The following TMTC1 variants were observed in gnomAD, a reference collection of about 807,000 sequenced individuals.
TMTC1 encodes the protein protein O-mannosyl-transferase TMTC1.
In TMTC1, 73 loss-of-function variants were observed where a neutral mutation model predicts 104.8. The ratio of observed to expected loss-of-function variants is 0.70; its 90% CI spans 0.58 to 0.85. The LOEUF (loss-of-function observed/expected upper bound fraction) is 0.85, where lower values mean the gene tolerates loss of function less well. Ranked by LOEUF, TMTC1 falls within the 40% of genes least tolerant of loss-of-function variation. The pLI is 0.00. For missense variants in TMTC1, 1,035 were observed against 1,096.1 expected (o/e 0.94, Z 0.79); for synonymous variants, 434 against 428.7 (o/e 1.01, Z -0.15).
At chr12:29,600,639 G>A (rs908460364) in intron 7 of TMTC1, among the ~76,000 whole-genome samples, 4 of 152,240 alleles carry the variant, frequency 2.6e-5, no homozygotes, top group East Asian at 3.9e-4. Flanking sequence ...TCAGTTTCCC[G>A]AAATCCAAGT....
chr12:29,754,042 T>C (rs1431583770), intron 4 of TMTC1, among the ~76,000 whole-genome samples: 1 of 152,050 alleles, frequency 6.6e-6, no homozygotes, highest in Admixed American at 6.6e-5. Context: ...AATTTTTGTA[T>C]TTTTAGTAGA....
chr12:29,573,820 A>T (rs1945747127), intron 8 of TMTC1, among the ~76,000 whole-genome samples: 1 of 152,018 alleles, frequency 6.6e-6, no homozygotes, highest in Non-Finnish European at 1.5e-5. Flanking sequence ...GTCACACTGG[A>T]GACTTCTCAG....
At chr12:29,753,793 G>A (rs756885325) in intron 4 of TMTC1, among the ~76,000 whole-genome samples, 9 of 152,322 alleles carry the variant, frequency 5.9e-5, no homozygotes, top group Middle Eastern at 3.4e-3. Flanking sequence ...TGTGTTGAAC[G>A]GGTGGACAAA....
chr12:29,576,127 T>A (rs1305148294), intron 8 of TMTC1, among the ~76,000 whole-genome samples: 3 of 152,336 alleles, frequency 2.0e-5, no homozygotes, highest in East Asian at 3.9e-4. Flanking sequence ...GTTGTATGGG[T>A]TGCTTACATA....
At chr12:29,768,734 T>C (rs302318) in intron 1 of TMTC1, among the ~76,000 whole-genome samples, 54,834 of 152,002 alleles carry the variant, frequency 0.36, 10,426 homozygotes, top group Non-Finnish European at 0.44. Flanking sequence ...TAACATAAAT[T>C]CCCACAGATC....
chr12:29,550,966 A>G lies in TMTC1; in HGVS notation c.1676+5891T>C, dbSNP rs948582613. ...AAAAAAAAAAAAAAAAAAAAAAAAA[A>G]AAAAAGAGCAGGGAGACAGAGCTAG... On this transcript the variant is annotated intron_variant, in intron 10 of 17. Transcript: ENST00000539277. Among the ~76,000 whole-genome samples the G allele has an allele frequency of 2.0e-3, 256 of 129,270 alleles. 5 individuals are homozygous for G. Among genetic ancestry groups the G allele is most frequent in the Non-Finnish European group, 1.7e-3 (102 of 59,644 alleles). 84.8% of individuals were successfully genotyped at this position (129,270 alleles called of 152,430 possible). A position where few individuals can be genotyped will look rare whatever the true frequency, so the allele number is the denominator to read the frequency against.
rs144014589 is a variant in TMTC1 at position 29,555,312 on chromosome 12, T to A, written c.1676+1545A>T. Reference sequence around the variant, plus strand: ...GTCACCAGGCCCGGTAATTTTTTTTTATTTTTTATTTATTTATTTTTTTAA... The same window carrying A: ...GTCACCAGGCCCGGTAATTTTTTTTAATTTTTTATTTATTTATTTTTTTAA... On this transcript the variant is annotated intron_variant, in intron 10 of 17. Coordinates refer to ENST00000539277, the MANE Select transcript of TMTC1 (RefSeq NM_001193451.2). Among the ~76,000 whole-genome samples, 1,354 of 151,744 alleles carry A rather than the reference T, an allele frequency of 8.9e-3. 18 individuals are homozygous for A. The highest frequency in any genetic ancestry group is 0.031 in the African/African-American group (1,279 of 41,406).
chr12:29,655,453 T>C (rs954147902), intron 5 of TMTC1, among the ~76,000 whole-genome samples: 1 of 152,192 alleles, frequency 6.6e-6, no homozygotes, highest in Non-Finnish European at 1.5e-5. Flanking sequence ...ATCACAACTA[T>C]CATGTTTCTG....
chr12:29,584,112 C>T (rs1169425992), intron 7 of TMTC1, among the ~76,000 whole-genome samples: 1 of 152,204 alleles, frequency 6.6e-6, no homozygotes, highest in Non-Finnish European at 1.5e-5. Flanking sequence ...TTTGGAAAAT[C>T]TACCCACAGG....
intron 9 of TMTC1, chr12:29,569,002 G>A (rs1413820740): frequency 1.1e-5 from 5 of 455,814 alleles, no homozygotes; most frequent in Non-Finnish European, 2.2e-5. Context: ...AGTAATAAAT[G>A]TGAGAGCTGC....
chr12:29,737,099 A>C (rs1942697961), intron 5 of TMTC1, among the ~76,000 whole-genome samples: 1 of 152,258 alleles, frequency 6.6e-6, no homozygotes, highest in Non-Finnish European at 1.5e-5. Flanking sequence ...CCGACATTTC[A>C]CTTTAAGGTG....
At chr12:29,613,086 T>C (rs927839304) in intron 6 of TMTC1, among the ~76,000 whole-genome samples, 1 of 152,196 alleles carries the variant, frequency 6.6e-6, no homozygotes, top group African/African-American at 2.4e-5. Flanking sequence ...TATGATGAAT[T>C]TTTCAGGAAT....
At position 29,746,058 on chromosome 12, in the gene TMTC1, AT is replaced by A. The variant is rs1476019100; in HGVS notation, c.938+5607del. On this transcript the variant is annotated intron_variant, in intron 5 of 17. Transcript: ENST00000539277. ...TTGCAACAACCCTTTAAAGTAAGAT[AT>A]TGGTTCATATCTGCTTCCACGAGGT... is the stretch of plus-strand genomic sequence containing the variant. Among the ~76,000 whole-genome samples the A allele has an allele frequency of 2.6e-5, 4 of 152,290 alleles. No homozygotes were observed. In the East Asian group the frequency reaches 7.7e-4, roughly 29 times the overall value.
intron 5 of TMTC1, among the ~76,000 whole-genome samples, chr12:29,643,945 A>ATT (rs1408517543): frequency 5.6e-4 from 64 of 114,928 alleles, no homozygotes; most frequent in Non-Finnish European, 8.9e-4. Flanking sequence ...ATATAAATTT[A>ATT]AATATATATT....
intron 13 of TMTC1, 133 bp downstream of exon 13, chr12:29,518,339 A>G: frequency 8.0e-6 from 8 of 994,914 alleles, no homozygotes; most frequent in Non-Finnish European, 1.2e-5. Context: ...CTTTGGAGAT[A>G]AAAATTTGTA....
At chr12:29,611,331 C>G (rs546224793) in intron 6 of TMTC1, among the ~76,000 whole-genome samples, 23 of 152,074 alleles carry the variant, frequency 1.5e-4, no homozygotes, top group Non-Finnish European at 2.9e-4. Flanking sequence ...TCATGAAGCT[C>G]CCGGATTGCT....
chr12:29,600,253 G>A (rs903750873), intron 7 of TMTC1, among the ~76,000 whole-genome samples: 3 of 151,986 alleles, frequency 2.0e-5, no homozygotes. Flanking sequence ...ATCCTCCGTG[G>A]CTCTGGGGAA....
chr12:29,668,518 T>A (rs1661391124), intron 5 of TMTC1, among the ~76,000 whole-genome samples: 1 of 140,396 alleles, frequency 7.1e-6, no homozygotes, highest in Admixed American at 8.2e-5. Context: ...TGGAGTGCAG[T>A]GGCACGATCT....
chr12:29,714,625 C>T (rs1565788896), intron 5 of TMTC1, among the ~76,000 whole-genome samples: 1 of 152,138 alleles, frequency 6.6e-6, no homozygotes. Context: ...TAGTTTTTAC[C>T]TCACAGAACC....
Sources: allele counts gnomAD v4.1 joint callset (sites outside exome capture counted in the v4.1 genomes callset), GRCh38; gene constraint gnomAD v4.1.1; transcripts MANE v1.5; gene names NCBI Gene and HGNC (gene_info 2026-07-23, HGNC 2026-07-21).